Variants in SCAPER observed in about 807,000 individuals in gnomAD.
The protein encoded by SCAPER is S phase cyclin A-associated protein in the endoplasmic reticulum.
SCAPER carries 98 observed loss-of-function variants against 182.2 expected under a neutral mutation model. The observed-to-expected ratio is 0.54, with a 90% confidence interval of 0.46 to 0.64. SCAPER has a LOEUF of 0.64. Among genes scored for constraint, SCAPER ranks in the 30% least tolerant of loss-of-function variants. SCAPER has a pLI of 0.00. For synonymous variants in SCAPER, 605 were observed against 564.6 expected (o/e 1.07, Z -1.01); for missense variants, 1,432 against 1,690.0 (o/e 0.85, Z 2.68).
chr15:76,773,498 T>C (rs1475823510), intron 9 of SCAPER, among the ~76,000 whole-genome samples: 1 of 151,978 alleles, frequency 6.6e-6, no homozygotes, highest in African/African-American at 2.4e-5. Flanking sequence ...TAAGTATCTC[T>C]AATGCAGCTT....
intron 22 of SCAPER, among the ~76,000 whole-genome samples, chr15:76,574,986 G>A (rs945857260): frequency 9.2e-5 from 14 of 151,910 alleles, no homozygotes; most frequent in African/African-American, 1.5e-4. Flanking sequence ...TATCATCCCC[G>A]TTGCCTTAAA....
intron 25 of SCAPER, among the ~76,000 whole-genome samples, chr15:76,439,139 G>A (rs934941191): frequency 8.6e-5 from 13 of 151,826 alleles, no homozygotes; most frequent in Non-Finnish European, 1.6e-4. Context: ...AGGCTAGTGT[G>A]CAGTGGTGCA....
At chr15:76,808,466 T>A (rs954410873) in intron 5 of SCAPER, among the ~76,000 whole-genome samples, 1 of 152,204 alleles carries the variant, frequency 6.6e-6, no homozygotes, top group African/African-American at 2.4e-5. Flanking sequence ...AGGCTCTGCA[T>A]CTGTGAATCT....
At chr15:76,868,286 G>C (rs954141529) in intron 2 of SCAPER, among the ~76,000 whole-genome samples, 6 of 152,020 alleles carry the variant, frequency 3.9e-5, no homozygotes, top group South Asian at 2.1e-4. Context: ...CTAGCACTTC[G>C]AGAGGCAGAG....
chr15:76,526,044 A>G (rs1405933056), intron 23 of SCAPER, among the ~76,000 whole-genome samples: 2 of 152,238 alleles, frequency 1.3e-5, no homozygotes, highest in African/African-American at 2.4e-5. Context: ...TTAAAAAAGT[A>G]GTTGAACATT....
chr15:76,804,634 C>T lies in SCAPER; in HGVS notation c.394-1G>A. 1 of 1,572,176 alleles carries T rather than the reference C, an allele frequency of 6.4e-7. No homozygotes were observed. Among genetic ancestry groups the T allele is most frequent in the Admixed American group, 1.8e-5 (1 of 54,290 alleles). On this transcript the variant is annotated splice_acceptor_variant, in intron 5 of 31. Transcript: ENST00000563290. LOFTEE classifies it high-confidence loss of function. ...AGTTATCCAGCATCATTAGCACCTCCTAAAAGAAACAAAACAAAAAAAAAT... is the reference window on the plus strand; with the variant it reads ...AGTTATCCAGCATCATTAGCACCTCTTAAAAGAAACAAAACAAAAAAAAAT...
chr15:76,868,385 C>T (rs931574062), intron 2 of SCAPER, among the ~76,000 whole-genome samples: 1 of 142,218 alleles, frequency 7.0e-6, no homozygotes, highest in African/African-American at 2.5e-5. Context: ...AGAGTGAGAC[C>T]TTGTCTCAAA....
At chr15:76,840,361 G>C (rs57002677) in intron 5 of SCAPER, among the ~76,000 whole-genome samples, 1 of 150,086 alleles carries the variant, frequency 6.7e-6, no homozygotes, top group East Asian at 2.0e-4. Flanking sequence ...TCAAGGCTTC[G>C]TAAGCCATGT....
At chr15:76,723,958 T>C (rs1381895776) in intron 17 of SCAPER, among the ~76,000 whole-genome samples, 1 of 152,242 alleles carries the variant, frequency 6.6e-6, no homozygotes, top group African/African-American at 2.4e-5. Context: ...AATTTGATCC[T>C]GTCATTATAA....
chr15:76,398,540 C>T (rs1277321068), intron 27 of SCAPER, among the ~76,000 whole-genome samples: 3 of 152,308 alleles, frequency 2.0e-5, no homozygotes, highest in African/African-American at 7.2e-5. Context: ...TTTACCTTTG[C>T]TTGAACAAAT....
chr15:76,898,405 C>T (rs919089660), intron 1 of SCAPER, among the ~76,000 whole-genome samples: 1 of 152,114 alleles, frequency 6.6e-6, no homozygotes, highest in African/African-American at 2.4e-5. Context: ...GGTTTATACT[C>T]AAGAGAAATG....
intron 25 of SCAPER, among the ~76,000 whole-genome samples, chr15:76,438,187 C>A (rs1249239612): frequency 2.7e-5 from 4 of 147,506 alleles, no homozygotes; most frequent in Non-Finnish European, 5.9e-5. Context: ...GAGGCTGAGG[C>A]AGGAGAATTG....
chr15:76,653,966 A>G (rs1441401513), intron 21 of SCAPER, among the ~76,000 whole-genome samples: 1 of 152,240 alleles, frequency 6.6e-6, no homozygotes, highest in Non-Finnish European at 1.5e-5. Flanking sequence ...GCATCCAACA[A>G]AGGCCTAATA....
intron 24 of SCAPER, among the ~76,000 whole-genome samples, chr15:76,478,822 T>G (rs1283772674): frequency 6.6e-6 from 1 of 152,178 alleles, no homozygotes; most frequent in African/African-American, 2.4e-5. Context: ...CTCTAAAGGC[T>G]TTTAAAAATA....
At chr15:76,418,536 C>A (rs1045095271) in intron 26 of SCAPER, among the ~76,000 whole-genome samples, 15 of 152,232 alleles carry the variant, frequency 9.9e-5, no homozygotes, top group Non-Finnish European at 1.9e-4. Flanking sequence ...CATCTCGGAA[C>A]CAGACCCACT....
intron 4 of SCAPER, among the ~76,000 whole-genome samples, chr15:76,844,838 G>A (rs556568021): frequency 1.3e-4 from 20 of 152,004 alleles, no homozygotes; most frequent in Non-Finnish European, 2.2e-4. Flanking sequence ...AACAGAGGAG[G>A]AGGGAATACT....
At chr15:76,637,172 C>T (rs537530187) in intron 21 of SCAPER, among the ~76,000 whole-genome samples, 23 of 151,996 alleles carry the variant, frequency 1.5e-4, no homozygotes, top group Admixed American at 1.3e-4. Context: ...ATCCTGACTC[C>T]ATTCCTTCTG....
chr15:76,755,992 G>A (rs567051034), intron 14 of SCAPER, among the ~76,000 whole-genome samples: 16 of 152,224 alleles, frequency 1.1e-4, no homozygotes, highest in African/African-American at 2.9e-4. Context: ...AGTGGCTCAC[G>A]CCTGTAATCC....
At chr15:76,904,182 C>T (rs1309559091) in intron 1 of SCAPER, among the ~76,000 whole-genome samples, 1 of 152,128 alleles carries the variant, frequency 6.6e-6, no homozygotes, top group Non-Finnish European at 1.5e-5. Flanking sequence ...AACCTTAGGT[C>T]AGAAAACTTA....
Sources: allele counts gnomAD v4.1 joint callset (sites outside exome capture counted in the v4.1 genomes callset), GRCh38; gene constraint gnomAD v4.1.1; transcripts MANE v1.5; gene names NCBI Gene and HGNC (gene_info 2026-07-23, HGNC 2026-07-21).